Variants in MYO10 observed in about 807,000 individuals in gnomAD.
The protein encoded by MYO10 is myosin X.
A neutral mutation model predicts 257.3 loss-of-function variants in MYO10; 133 were observed. That is an observed-to-expected ratio of 0.52 (90% CI 0.45 to 0.60). The LOEUF (loss-of-function observed/expected upper bound fraction) is 0.60. Ranked by LOEUF, MYO10 falls within the 20% of genes least tolerant of loss-of-function variation. MYO10 has a pLI of 0.00. For synonymous variants in MYO10, 1,104 were observed against 1,028.6 expected (o/e 1.07, Z -1.40); for missense variants, 2,399 against 2,635.7 (o/e 0.91, Z 1.97).
chr5:16,795,434 T>C (rs1349266598), intron 3 of MYO10, among the ~76,000 whole-genome samples: 1 of 152,058 alleles, frequency 6.6e-6, no homozygotes, highest in Non-Finnish European at 1.5e-5. Flanking sequence ...TGAAACCCCA[T>C]CTCTACTAAA....
Position 16,754,871 on chromosome 5 carries a change from G to C in MYO10, c.1886C>G (p.Ser629Cys), listed in dbSNP as rs768048436. 12 of 1,604,366 alleles carry C rather than the reference G, an allele frequency of 7.5e-6. No homozygotes were observed. The highest frequency in any genetic ancestry group is 1.0e-5 in the Non-Finnish European group (12 of 1,173,900). The change falls in exon 19 of 41, where the codon TCT becomes TGT. Residue 629 changes from serine to cysteine, a missense_variant. Ser to Cys is a moderately radical substitution (Grantham distance 112). This residue lies in a region of MYO10 where 1,820 missense variants were observed against 1,939.4 expected (regional missense o/e 0.94). Transcript: ENST00000513610. ...LHSLMATLSSSNPFFVRCIKP... is the reference protein window; with the variant it reads ...LHSLMATLSSCNPFFVRCIKP... ...GATACAGCGAACAAAGAAAGGATTA[G>C]AGGAGCTTAGCGTTGCCATTAAGGA...
At chr5:16,760,982 AATTTATTT>A (rs879648526) in intron 17 of MYO10, among the ~76,000 whole-genome samples, 1 of 138,106 alleles carries the variant, frequency 7.2e-6, no homozygotes, top group Non-Finnish European at 1.5e-5. Context: ...TATTATTATT[AATTTATTT>A]ATTTATTTAT....
At chr5:16,747,780 G>C (rs575631963) in intron 19 of MYO10, among the ~76,000 whole-genome samples, 1 of 151,678 alleles carries the variant, frequency 6.6e-6, no homozygotes, top group Admixed American at 6.6e-5. Flanking sequence ...TTAGCCGTGC[G>C]GGGTGGCAGG....
intron 2 of MYO10, among the ~76,000 whole-genome samples, chr5:16,865,631 T>C (rs1029711331): frequency 1.3e-5 from 2 of 151,932 alleles, no homozygotes; most frequent in African/African-American, 2.4e-5. Flanking sequence ...ACCAATATGG[T>C]GAAACCCCGT....
intron 19 of MYO10, among the ~76,000 whole-genome samples, chr5:16,721,917 G>T (rs1327686578): frequency 6.6e-6 from 1 of 152,160 alleles, no homozygotes; most frequent in Non-Finnish European, 1.5e-5. Flanking sequence ...CAAAGGCTTC[G>T]ATTTCCCATT....
intron 1 of MYO10, chr5:16,916,337 C>T (rs1745815968): frequency 3.5e-6 from 1 of 284,450 alleles, no homozygotes; most frequent in South Asian, 3.1e-5. Flanking sequence ...ATAAGAAAAG[C>T]ACACATGACA....
intron 1 of MYO10, among the ~76,000 whole-genome samples, chr5:16,924,460 C>T (rs1425957137): frequency 1.3e-5 from 2 of 152,128 alleles, no homozygotes; most frequent in African/African-American, 4.8e-5. Context: ...TGACACCTCT[C>T]ATGAAACTTC....
chr5:16,853,357 G>C (rs538889604), intron 2 of MYO10, among the ~76,000 whole-genome samples: 1 of 149,888 alleles, frequency 6.7e-6, no homozygotes, highest in African/African-American at 2.4e-5. Context: ...CTGGGCGACA[G>C]AGTGAGACTC....
At position 16,936,174 on chromosome 5, in the gene MYO10, G is replaced by A. The variant is rs372701284; in HGVS notation, c.-366C>T. On this transcript the variant is annotated 5_prime_UTR_variant, in exon 1 of 41. Transcript: ENST00000513610. Reference sequence around the variant, plus strand: ...CTCTGCGCTCCGGCCGGGGGCCCTCGGGGCGGGCAGGAGGACAGCGGGCCG... The same window carrying A: ...CTCTGCGCTCCGGCCGGGGGCCCTCAGGGCGGGCAGGAGGACAGCGGGCCG... 4 of 290,438 alleles carry A rather than the reference G, an allele frequency of 1.4e-5. No individual in the cohort carries two copies. The highest frequency in any genetic ancestry group is 6.5e-6 in the Non-Finnish European group (1 of 154,078). 18.0% of individuals were successfully genotyped at this position (290,438 alleles called of 1,614,324 possible).
chr5:16,923,216 A>ATTAAATGACAAT (rs1009842911), intron 1 of MYO10, among the ~76,000 whole-genome samples: 2 of 152,166 alleles, frequency 1.3e-5, no homozygotes, highest in Non-Finnish European at 2.9e-5. Flanking sequence ...GTAAACCTGT[A>ATTAAATGACAAT]TTAAATGACA....
intron 19 of MYO10, among the ~76,000 whole-genome samples, chr5:16,727,091 A>C (rs1739398285): frequency 6.6e-6 from 1 of 152,262 alleles, no homozygotes. Flanking sequence ...TGAAAAAATA[A>C]AGTATCTCAT....
intron 2 of MYO10, among the ~76,000 whole-genome samples, chr5:16,871,131 G>A (rs930009008): frequency 5.3e-5 from 8 of 152,064 alleles, no homozygotes; most frequent in East Asian, 3.9e-4. Context: ...TCTTCCAAAC[G>A]TTTCATCTTC....
rs1475617194 is a variant in MYO10, at chr5:16,683,734, T to A, written c.4046+146A>T. 8.3e-6 allele frequency: 6 copies of A among 719,490 alleles called. No homozygotes were observed. In the East Asian group the frequency reaches 1.6e-4, roughly 20 times the overall value. The allele number at this position is 719,490 out of a possible 1,614,324, so 44.6% of individuals were successfully genotyped here. On this transcript the variant is annotated intron_variant, in intron 30 of 40. Transcript: ENST00000513610. Reference sequence around the variant, plus strand: ...AAAATTGGGTACCAAGAAGGAAGACTGGATTGCTGGGGTTGACAAGGTGGG... The same window carrying A: ...AAAATTGGGTACCAAGAAGGAAGACAGGATTGCTGGGGTTGACAAGGTGGG...
At chr5:16,934,847 T>A (rs1257696105) in intron 1 of MYO10, among the ~76,000 whole-genome samples, 2 of 152,210 alleles carry the variant, frequency 1.3e-5, no homozygotes, top group Non-Finnish European at 1.5e-5. Context: ...CAAGCCCTCA[T>A]CAATCTGATT....
At position 16,875,339 on chromosome 5, in the gene MYO10, G is replaced by A. The variant is rs553267624; in HGVS notation, c.120+2270C>T. 2.6e-4 allele frequency among the ~76,000 whole-genome samples: 40 copies of A among 152,250 alleles called. No individual in the cohort carries two copies. The South Asian group carries it at 6.4e-3, about 24-fold the overall frequency. On this transcript the variant is annotated intron_variant, in intron 2 of 40. Transcript: ENST00000513610. ...GGGGAAACTGAGACAGAAGACAGGC[G>A]GAGTGACAGAAAAATGTGGCCAGTC...
chr5:16,673,627 G>A, intron 36 of MYO10, 55 bp downstream of exon 36: 1 of 1,553,098 alleles, frequency 6.4e-7, no homozygotes, highest in South Asian at 1.2e-5. Context: ...TCCTGACGCA[G>A]GTGTATCTGC....
chr5:16,904,519 G>A (rs774037368), intron 1 of MYO10, among the ~76,000 whole-genome samples: 5 of 152,178 alleles, frequency 3.3e-5, no homozygotes, highest in Non-Finnish European at 5.9e-5. Flanking sequence ...GTCTGACGCC[G>A]GGTAGACAGT....
In MYO10 at chr5:16,666,107, G is replaced by A. The variant is rs1415860625; in HGVS notation, c.*585C>T. The A allele has an allele frequency of 2.6e-5, 4 of 152,888 alleles. No homozygotes were observed. Among genetic ancestry groups the A allele is most frequent in the African/African-American group, 9.6e-5 (4 of 41,456 alleles). 9.5% of individuals were successfully genotyped at this position (152,888 alleles called of 1,614,324 possible). On this transcript the variant is annotated 3_prime_UTR_variant, in exon 41 of 41. Transcript: ENST00000513610. Reference sequence around the variant, plus strand: ...TATGAACACATGCACGAACAGGCAAGCACGTACACTTAAAAGATGAAACAA... The same window carrying A: ...TATGAACACATGCACGAACAGGCAAACACGTACACTTAAAAGATGAAACAA...
chr5:16,738,146 G>A (rs1739881080), intron 19 of MYO10: 2 of 985,352 alleles, frequency 2.0e-6, no homozygotes, highest in Non-Finnish European at 2.4e-6. Context: ...CTAGCCTGGA[G>A]CTGAAGGAGA....
Sources: gnomAD v4.1 joint callset for allele counts (sites outside exome capture counted in the v4.1 genomes callset) on GRCh38, gnomAD v4.1.1 for gene constraint, gnomAD v4.1.1 regional missense constraint, MANE v1.5 for transcripts, NCBI Gene and HGNC (gene_info 2026-07-23, HGNC 2026-07-21) for gene names.